The following CSMD1 variants were observed in gnomAD, a reference collection of about 807,000 sequenced individuals.
CSMD1 encodes CUB and sushi domain-containing protein 1.
In CSMD1, 213 loss-of-function variants were observed where a neutral mutation model predicts 417.5. That is an observed-to-expected ratio of 0.51 (90% confidence interval 0.46 to 0.57). The LOEUF (loss-of-function observed/expected upper bound fraction) is 0.57, where lower values mean the gene tolerates loss of function less well. CSMD1 is among the 20% of genes least tolerant of loss of function. CSMD1 has a pLI of 0.00. For synonymous variants in CSMD1, 2,862 were observed against 1,736.8 expected (o/e 1.65, Z -16.11); for missense variants, 6,923 against 4,529.7 (o/e 1.53, Z -15.17).
intron 30 of CSMD1, among the ~76,000 whole-genome samples, chr8:3,208,592 T>A (rs569715802): frequency 1.1e-3 from 163 of 152,236 alleles, no homozygotes; most frequent in Middle Eastern, 3.4e-3. Flanking sequence ...TAATACTGAA[T>A]GTCATCTTGA....
intron 2 of CSMD1, among the ~76,000 whole-genome samples, chr8:4,475,198 T>C (rs536662158): frequency 3.9e-5 from 6 of 152,346 alleles, no homozygotes; most frequent in African/African-American, 7.2e-5. Flanking sequence ...GCTGTGAATA[T>C]ATATCTTAAA....
intron 3 of CSMD1, among the ~76,000 whole-genome samples, chr8:4,104,237 A>G (rs1242283671): frequency 1.3e-5 from 2 of 152,214 alleles, no homozygotes; most frequent in South Asian, 2.1e-4. Context: ...ATACACATAG[A>G]GACATAGATA....
At chr8:3,822,762 G>C (rs940854613) in intron 5 of CSMD1, among the ~76,000 whole-genome samples, 3 of 152,162 alleles carry the variant, frequency 2.0e-5, no homozygotes, top group Non-Finnish European at 4.4e-5. Context: ...ATACAGGTTT[G>C]TTGAGAATAA....
At chr8:4,191,998 C>T (rs1054535949) in intron 3 of CSMD1, among the ~76,000 whole-genome samples, 7 of 152,120 alleles carry the variant, frequency 4.6e-5, no homozygotes, top group African/African-American at 1.7e-4. Context: ...GGATTTCACT[C>T]GAAATATGCA....
At chr8:3,656,037 G>A (rs958318499) in intron 7 of CSMD1, among the ~76,000 whole-genome samples, 1 of 152,066 alleles carries the variant, frequency 6.6e-6, no homozygotes, top group Non-Finnish European at 1.5e-5. Flanking sequence ...CATCTCTCTG[G>A]GGGAAATAAC....
chr8:4,471,526 T>A (rs550107611), intron 2 of CSMD1, among the ~76,000 whole-genome samples: 1 of 152,208 alleles, frequency 6.6e-6, no homozygotes, highest in South Asian at 2.1e-4. Context: ...GGACGGCACT[T>A]CTGCTTAAGA....
intron 3 of CSMD1, among the ~76,000 whole-genome samples, chr8:4,152,201 A>G (rs1796603981): frequency 6.6e-6 from 1 of 152,168 alleles, no homozygotes; most frequent in Non-Finnish European, 1.5e-5. Context: ...ATCTTTGGAG[A>G]AGAAGGAACA....
intron 3 of CSMD1, among the ~76,000 whole-genome samples, chr8:4,046,608 T>C (rs569227054): frequency 9.9e-5 from 15 of 152,208 alleles, no homozygotes; most frequent in Non-Finnish European, 1.5e-4. Flanking sequence ...CTGTTGATTG[T>C]TGAGTCTTGA....
chr8:4,594,888 A>T (rs1001411364), intron 2 of CSMD1, among the ~76,000 whole-genome samples: 1 of 152,188 alleles, frequency 6.6e-6, no homozygotes, highest in Non-Finnish European at 1.5e-5. Flanking sequence ...ATGACTCTGT[A>T]AAAGGAATGT....
At chr8:3,316,414 A>G (rs1005881829) in intron 23 of CSMD1, among the ~76,000 whole-genome samples, 1 of 152,176 alleles carries the variant, frequency 6.6e-6, no homozygotes, top group South Asian at 2.1e-4. Flanking sequence ...TGTCTAATGA[A>G]TGACAGATAG....
At chr8:3,659,686 T>C (rs979065005) in intron 7 of CSMD1, among the ~76,000 whole-genome samples, 1 of 152,126 alleles carries the variant, frequency 6.6e-6, no homozygotes, top group Non-Finnish European at 1.5e-5. Flanking sequence ...GTTAACAATA[T>C]GGGCTTTCCA....
rs1027882207 is a variant in CSMD1, at chr8:3,537,962, G to A, written c.1344+36983C>T. Among the ~76,000 whole-genome samples the A allele has an allele frequency of 1.2e-4, 18 of 152,098 alleles. No homozygotes were observed. The South Asian group carries it at 3.3e-3, about 28-fold the overall frequency. ...TATTAAAGTTGTTTATTCACTCAGG[G>A]TATCGTTTATTCTTCTATTTATCAT... On this transcript the variant is annotated intron_variant, in intron 10 of 69. Coordinates refer to ENST00000635120, the MANE Select transcript of CSMD1 (RefSeq NM_033225.6).
At position 3,214,481 on chromosome 8, in the gene CSMD1, C is replaced by T. The variant is rs768479970; in HGVS notation, c.4867+16G>A. On this transcript the variant is annotated intron_variant, in intron 30 of 69. Transcript: ENST00000635120. ...GGAAAGTTGTATTTCTAGAAAATAC[C>T]CAAGCGTGCACTCACCATTGCAGGA... 19 of 1,521,694 alleles carry T rather than the reference C, an allele frequency of 1.2e-5. No homozygotes were observed. Among genetic ancestry groups the T allele is most frequent in the Non-Finnish European group, 1.7e-5 (19 of 1,135,668 alleles). 94.3% of individuals were successfully genotyped at this position (1,521,694 alleles called of 1,614,324 possible). A position where few individuals can be genotyped will look rare whatever the true frequency, so the allele number is the denominator to read the frequency against.
intron 5 of CSMD1, among the ~76,000 whole-genome samples, chr8:3,766,253 C>T (rs1798261367): frequency 6.6e-6 from 1 of 152,180 alleles, no homozygotes; most frequent in Non-Finnish European, 1.5e-5. Context: ...CATGCCCCAC[C>T]TGGAAATCTC....
chr8:3,539,925 G>C (rs1798368217), intron 10 of CSMD1, among the ~76,000 whole-genome samples: 2 of 152,152 alleles, frequency 1.3e-5, no homozygotes, highest in East Asian at 1.9e-4. Flanking sequence ...TTCATGGATA[G>C]ACCATAACTT....
intron 3 of CSMD1, among the ~76,000 whole-genome samples, chr8:4,095,725 G>T (rs986118820): frequency 3.9e-5 from 6 of 152,172 alleles, no homozygotes; most frequent in African/African-American, 1.4e-4. Flanking sequence ...ACTTCAATTT[G>T]TTCAAGTCAC....
At position 3,670,915 on chromosome 8, in the gene CSMD1, T is replaced by C. The variant is rs540450300; in HGVS notation, c.1009+37499A>G. 4.8e-5 allele frequency among the ~76,000 whole-genome samples: 7 copies of C among 146,862 alleles called. No individual in the cohort carries two copies. In the South Asian group the frequency reaches 1.5e-3, roughly 32 times the overall value. ...GTATGTGATATATATGTATATGGGA[T>C]ATATATGTATATGGGATATATATGT... On this transcript the variant is annotated intron_variant, in intron 7 of 69. Coordinates refer to ENST00000635120, the MANE Select transcript of CSMD1 (RefSeq NM_033225.6).
At chr8:3,956,880 G>A (rs1443104539) in intron 5 of CSMD1, among the ~76,000 whole-genome samples, 1 of 152,182 alleles carries the variant, frequency 6.6e-6, no homozygotes, top group Non-Finnish European at 1.5e-5. Context: ...TGCTGCAAAT[G>A]TACAGGTGAT....
intron 26 of CSMD1, among the ~76,000 whole-genome samples, chr8:3,250,131 A>C (rs956951490): frequency 3.9e-5 from 6 of 152,300 alleles, no homozygotes; most frequent in African/African-American, 1.4e-4. Context: ...ATATATATAC[A>C]TGTGCCGTGT....
Sources: allele counts gnomAD v4.1 joint callset (sites outside exome capture counted in the v4.1 genomes callset), GRCh38; gene constraint gnomAD v4.1.1; transcripts MANE v1.5; gene names NCBI Gene and HGNC (gene_info 2026-07-23, HGNC 2026-07-21).